Variants in IGSF10 observed in about 807,000 individuals in gnomAD.
IGSF10 encodes the protein calvaria mechanical force protein 608.
IGSF10 carries 126 observed loss-of-function variants against 128.2 expected under a neutral mutation model. The observed-to-expected ratio is 0.98, with a 90% CI of 0.85 to 1.14. The LOEUF (loss-of-function observed/expected upper bound fraction) is 1.14. IGSF10 is among the 50% of genes most tolerant of loss of function. IGSF10 has a pLI of 0.00. For missense variants in IGSF10, 3,295 were observed against 3,149.8 expected (o/e 1.05, Z -1.10); for synonymous variants, 1,185 against 1,146.2 (o/e 1.03, Z -0.68).
the IGSF10 span, among the ~76,000 whole-genome samples, chr3:151,495,426 CAATG>C: frequency 6.6e-6 from 1 of 152,034 alleles, no homozygotes; most frequent in African/African-American, 2.4e-5. Flanking sequence ...CCACGAATGT[CAATG>C]AATACTCATG....
chr3:151,517,206 G>A, the IGSF10 span, among the ~76,000 whole-genome samples: 2 of 152,006 alleles, frequency 1.3e-5, no homozygotes, highest in African/African-American at 2.4e-5. Flanking sequence ...ATTACTTACT[G>A]ACTAAACAGG....
the IGSF10 span, among the ~76,000 whole-genome samples, chr3:151,607,418 A>G: frequency 2.6e-5 from 4 of 152,160 alleles, no homozygotes; most frequent in Non-Finnish European, 5.9e-5. Flanking sequence ...AAAACCACTA[A>G]TAACAACTAG....
In IGSF10 at chr3:151,449,223, T is replaced by C. The variant is rs1328180136; in HGVS notation, c.758A>G (p.Gln253Arg). 1 of 1,611,018 alleles carries C rather than the reference T, an allele frequency of 6.2e-7. No homozygotes were observed. ...AGGGTTCATGCAAAGTGGACACTGC[T>C]GAGCACTAGAGGGACTTCTATCTTT... is the stretch of plus-strand genomic sequence containing the variant. ...CKKDRSPSSA[Q>R]QCPLCMNPRT... The change falls in exon 6 of 8, where the codon CAG becomes CGG. Residue 253 changes from glutamine (Q) to arginine (R), a missense_variant. By Grantham distance (43) the Gln-to-Arg change is conservative. Transcript: ENST00000282466.
At chr3:151,490,505 A>ATT in the IGSF10 span, among the ~76,000 whole-genome samples, 21,543 of 148,948 alleles carry the variant, frequency 0.14, 1,557 homozygotes, top group Non-Finnish European at 0.16. Context: ...TTTGAACTGC[A>ATT]TTTTTTTTTT....
At chr3:151,582,707 T>C in the IGSF10 span, among the ~76,000 whole-genome samples, 9 of 152,156 alleles carry the variant, frequency 5.9e-5, no homozygotes, top group Non-Finnish European at 1.0e-4. Context: ...TATCTATCTA[T>C]CCATCTCTAT....
At chr3:151,543,560 G>T in the IGSF10 span, among the ~76,000 whole-genome samples, 5 of 152,188 alleles carry the variant, frequency 3.3e-5, no homozygotes, top group Non-Finnish European at 5.9e-5. Flanking sequence ...AAGATGAACA[G>T]CTTTGCTTGC....
the IGSF10 span, among the ~76,000 whole-genome samples, chr3:151,547,508 T>G: frequency 2.0e-5 from 3 of 151,998 alleles, 1 homozygote; most frequent in Non-Finnish European, 4.4e-5. Context: ...TCTCTCAGTA[T>G]AGACATCATG....
At chr3:151,481,580 G>T in the IGSF10 span, among the ~76,000 whole-genome samples, 1 of 152,062 alleles carries the variant, frequency 6.6e-6, no homozygotes, top group South Asian at 2.1e-4. Flanking sequence ...CAGAGCAACC[G>T]ACCCTGGCTT....
At chr3:151,507,526 T>C in the IGSF10 span, among the ~76,000 whole-genome samples, 4 of 152,202 alleles carry the variant, frequency 2.6e-5, no homozygotes, top group African/African-American at 2.4e-5. Flanking sequence ...AAAGGAGATT[T>C]AATTGACTTA....
the IGSF10 span, among the ~76,000 whole-genome samples, chr3:151,582,789 T>C: frequency 1.3e-5 from 2 of 152,336 alleles, no homozygotes; most frequent in South Asian, 4.1e-4. Context: ...CAAATGGTGA[T>C]AGTGAGCAAC....
chr3:151,553,667 T>C, the IGSF10 span, among the ~76,000 whole-genome samples: 1 of 151,566 alleles, frequency 6.6e-6, no homozygotes, highest in Non-Finnish European at 1.5e-5. Flanking sequence ...ACAATATATA[T>C]GGTATTTCTT....
chr3:151,611,002 TGG>T, the IGSF10 span, among the ~76,000 whole-genome samples: 2 of 152,342 alleles, frequency 1.3e-5, no homozygotes, highest in Admixed American at 6.5e-5. Context: ...TTTAGTTGAC[TGG>T]GTATATGTTT....
chr3:151,552,240 C>A, the IGSF10 span, among the ~76,000 whole-genome samples: 2 of 152,136 alleles, frequency 1.3e-5, no homozygotes, highest in Non-Finnish European at 2.9e-5. Flanking sequence ...TTTCCTGAGG[C>A]CTCCCCAGCC....
the IGSF10 span, among the ~76,000 whole-genome samples, chr3:151,594,947 C>T: frequency 3.3e-5 from 5 of 151,374 alleles, no homozygotes; most frequent in African/African-American, 9.7e-5. Flanking sequence ...ACAAGCAGAA[C>T]GACAAGGACC....
chr3:151,594,331 CT>C, the IGSF10 span, among the ~76,000 whole-genome samples: 395 of 121,466 alleles, frequency 3.3e-3, 4 homozygotes, highest in South Asian at 5.0e-3. Flanking sequence ...ATAAAAACTG[CT>C]TTTTTTTTTT....
chr3:151,608,280 T>C, the IGSF10 span, among the ~76,000 whole-genome samples: 1 of 152,226 alleles, frequency 6.6e-6, no homozygotes, highest in Non-Finnish European at 1.5e-5. Flanking sequence ...GGCTTCTCTA[T>C]GCTAAAATTC....
chr3:151,587,389 A>G, the IGSF10 span, among the ~76,000 whole-genome samples: 2 of 152,150 alleles, frequency 1.3e-5, no homozygotes, highest in African/African-American at 4.8e-5. Context: ...TAGTCTGTTG[A>G]GAATGTGTAA....
rs1158320509 is a variant in IGSF10, at chr3:151,454,587, T to TG, written c.325-814_325-813insC. Among the ~76,000 whole-genome samples the TG allele has an allele frequency of 6.6e-4, 7 of 10,542 alleles. No individual in the cohort carries two copies. The South Asian group carries it at 0.025, about 38-fold the overall frequency. 6.9% of individuals were successfully genotyped at this position (10,542 alleles called of 152,430 possible). Reference sequence around the variant, plus strand: ...TCCATGGTTGAAAATTTTTATAAGGTTTTTTTTTTAAGTCTTAGTATTTCA... The same window carrying TG: ...TCCATGGTTGAAAATTTTTATAAGGTGTTTTTTTTTAAGTCTTAGTATTTCA... On this transcript the variant is annotated intron_variant, in intron 4 of 7. Coordinates refer to ENST00000282466, the MANE Select transcript of IGSF10 (RefSeq NM_178822.5).
chr3:151,490,131 C>T, the IGSF10 span, among the ~76,000 whole-genome samples: 1 of 152,126 alleles, frequency 6.6e-6, no homozygotes, highest in Admixed American at 6.5e-5. Flanking sequence ...CAATTATATG[C>T]TGCTTTCAAA....
Sources: allele counts gnomAD v4.1 joint callset (sites outside exome capture counted in the v4.1 genomes callset), GRCh38; gene constraint gnomAD v4.1.1; transcripts MANE v1.5; gene names NCBI Gene and HGNC (gene_info 2026-07-23, HGNC 2026-07-21).